The following ZP2 variants were observed in gnomAD, a reference collection of about 807,000 sequenced individuals.
ZP2 encodes the protein zona pellucida sperm-binding protein 2.
In ZP2, 51 loss-of-function variants were observed where a neutral mutation model predicts 84.0. The observed-to-expected ratio is 0.61, with a 90% CI of 0.49 to 0.77. ZP2 has a LOEUF of 0.77. Ranked by LOEUF, ZP2 falls within the 30% of genes least tolerant of loss-of-function variation. The pLI, the probability that ZP2 is intolerant of heterozygous loss-of-function variation, is 0.00. For synonymous variants in ZP2, 375 were observed against 330.9 expected (o/e 1.13, Z -1.45); for missense variants, 909 against 911.9 (o/e 1.00, Z 0.04).
At chr16:21,210,494 C>G (rs984479788) in intron 2 of ZP2, among the ~76,000 whole-genome samples, 1 of 151,914 alleles carries the variant, frequency 6.6e-6, no homozygotes, top group Admixed American at 6.6e-5. Context: ...GGAGGCAGGC[C>G]CGAAAAACTG....
intron 9 of ZP2, 187 bp downstream of exon 9, chr16:21,203,843 G>C (rs1405680536): frequency 9.3e-6 from 6 of 642,144 alleles, no homozygotes; most frequent in Non-Finnish European, 1.3e-5. Flanking sequence ...TTTTGTGTTA[G>C]AGAATGAACT....
At chr16:21,203,985 C>A (rs1305478242) in intron 9 of ZP2, 45 bp downstream of exon 9, 1 of 1,603,032 alleles carries the variant, frequency 6.2e-7, no homozygotes, top group African/African-American at 1.3e-5. Context: ...GAGTATACTT[C>A]AAGTCAGGAC....
At position 21,202,253 on chromosome 16, in the gene ZP2, C is replaced by T. The variant is rs556567352; in HGVS notation, c.1138G>A (p.Val380Ile). Residue 380 changes from valine to isoleucine, a missense_variant, in exon 11 of 19, where the codon GTC becomes ATC. Val to Ile is a conservative substitution (Grantham distance 29). Coordinates refer to ENST00000574091, the MANE Select transcript of ZP2 (RefSeq NM_001376232.1). The stretch of plus-strand genomic sequence containing the variant: ...TGTGTTTGGTAGCTGTAGACCTCGA[C>T]GTCCATAAACCCATCCTGGGTGCAC... ...ELCTQDGFMD[V>I]EVYSYQTQPA... is the part of the protein sequence containing the mutation. 5.9e-5 allele frequency: 92 copies of T among 1,552,146 alleles called. No homozygotes were observed. The highest frequency in any genetic ancestry group is 1.1e-4 in the East Asian group (5 of 44,360).
chr16:21,210,265 C>T lies in ZP2; in HGVS notation c.152-73G>A, dbSNP rs112768050. On this transcript the variant is annotated intron_variant, in intron 2 of 18. Transcript: ENST00000574091. ...AACTCCTACAAAAGTGTATAGACTC[C>T]TCTCAGATGGGAGGGATTCCAGATG... 924 of 1,190,008 alleles carry T rather than the reference C, an allele frequency of 7.8e-4. 2 individuals carry two copies. In the African/African-American group the frequency reaches 0.012, roughly 15 times the overall value. The allele number at this position is 1,190,008 out of a possible 1,614,324, so 73.7% of individuals were successfully genotyped here.
chr16:21,200,872 G>GAACTC (rs1333441852), intron 14 of ZP2, among the ~76,000 whole-genome samples: 1 of 152,154 alleles, frequency 6.6e-6, no homozygotes, highest in African/African-American at 2.4e-5. Context: ...TGGGGCTTTG[G>GAACTC]AACTCATTCC....
At chr16:21,204,582 G>A (rs1469810388) in intron 7 of ZP2, among the ~76,000 whole-genome samples, 178 bp from the exon 8 acceptor site, 3 of 152,172 alleles carry the variant, frequency 2.0e-5, no homozygotes, top group Non-Finnish European at 4.4e-5. Flanking sequence ...TTTTAACCTT[G>A]TTCTAACATC....
At chr16:21,205,703 G>A (rs2093246585) in intron 6 of ZP2, 28 bp downstream of exon 6, 1 of 1,613,756 alleles carries the variant, frequency 6.2e-7, no homozygotes, top group Non-Finnish European at 8.5e-7. Context: ...AGGTTATTAA[G>A]GTCTGATTTT....
chr16:21,211,439 C>T lies in ZP2; in HGVS notation c.63-44G>A, dbSNP rs373084783. On this transcript the variant is annotated intron_variant, in intron 1 of 18. Transcript: ENST00000574091. Reference sequence around the variant, plus strand: ...ATAGTCAAGGAAGAATGGACTTTAACAAACAAAGCTACCATACCCCCTCCC... The same window carrying T: ...ATAGTCAAGGAAGAATGGACTTTAATAAACAAAGCTACCATACCCCCTCCC... 149 of 1,614,000 alleles carry T rather than the reference C, an allele frequency of 9.2e-5. No individual in the cohort carries two copies. The African/African-American group carries it at 1.7e-3, about 18-fold the overall frequency.
At chr16:21,213,196 C>G (rs146391504), upstream of ZP2, among the ~76,000 whole-genome samples, 328 of 152,252 alleles carry the variant, frequency 2.2e-3, 1 homozygote, top group African/African-American at 7.6e-3. Flanking sequence ...AGGCGCCCAC[C>G]ACCAAGCCCA....
upstream of ZP2, among the ~76,000 whole-genome samples, chr16:21,213,094 G>T (rs936653725): frequency 1.8e-4 from 28 of 152,162 alleles, no homozygotes; most frequent in African/African-American, 6.8e-4. Context: ...GCCCAGGTGG[G>T]AGTGCAGTGG....
At position 21,207,128 on chromosome 16, in the gene ZP2, A is replaced by G. The variant is rs975724688; in HGVS notation, c.331-138T>C. Reference sequence around the variant, plus strand: ...GTGCTGGAAGGTACCTCATTCCCGTACCAGGAGACTAGCTAGCCCATTGTA... The same window carrying G: ...GTGCTGGAAGGTACCTCATTCCCGTGCCAGGAGACTAGCTAGCCCATTGTA... On this transcript the variant is annotated intron_variant, in intron 4 of 18. Coordinates refer to ENST00000574091, the MANE Select transcript of ZP2 (RefSeq NM_001376232.1). 25 of 962,946 alleles carry G rather than the reference A, an allele frequency of 2.6e-5. No homozygotes were observed. In the Admixed American group the frequency reaches 5.6e-4, roughly 21 times the overall value. The allele number at this position is 962,946 out of a possible 1,614,324, so 59.7% of individuals were successfully genotyped here.
intron 9 of ZP2, 80 bp from the exon 10 acceptor site, chr16:21,203,331 C>A: frequency 1.9e-6 from 3 of 1,577,622 alleles, no homozygotes; most frequent in Non-Finnish European, 2.6e-6. Flanking sequence ...AGCAAGTCCA[C>A]TAAATACTTG....
rs199927753 is a variant in ZP2, at chr16:21,211,318, G to T, written c.140C>A (p.Pro47His). The T allele has an allele frequency of 8.1e-6, 13 of 1,614,016 alleles. No homozygotes were observed. The highest frequency in any genetic ancestry group is 1.1e-5 in the Non-Finnish European group (13 of 1,180,002). Reference sequence around the variant, plus strand: ...CCCAAGAGACATACCTGGAAAGGCAGGATTTACCAACTGAGAAACATCTAT... The same window carrying T: ...CCCAAGAGACATACCTGGAAAGGCATGATTTACCAACTGAGAAACATCTAT... ...NSIDVSQLVN[P>H]AFPGTVTCDE... The change falls in exon 2 of 19, where the codon CCT becomes CAT. Residue 47 changes from proline to histidine, a missense_variant. Physicochemically the swap from Pro to His is moderately conservative, Grantham distance 77 (BLOSUM62 -2). Coordinates refer to ENST00000574091, the MANE Select transcript of ZP2 (RefSeq NM_001376232.1).
chr16:21,203,135 G>T lies in ZP2; in HGVS notation c.1089C>A (p.Pro363=). Reference sequence around the variant, plus strand: ...ATAAAAGGTCTTTACCTATAGAAACGGGTGACTCACAGAGACACTCAGGAT... The same window carrying T: ...ATAAAAGGTCTTTACCTATAGAAACTGGTGACTCACAGAGACACTCAGGAT... The part of the protein sequence containing the change: ...VIYPECLCES[P]VSIVTGELCT... The change falls in exon 10 of 19, where the codon CCC becomes CCA. Residue 363 remains proline (P), a synonymous_variant. Transcript: ENST00000574091. 1 of 1,613,030 alleles carries T rather than the reference G, an allele frequency of 6.2e-7. No individual in the cohort carries two copies. Among genetic ancestry groups the T allele is most frequent in the Non-Finnish European group, 8.5e-7 (1 of 1,179,502 alleles).
intron 9 of ZP2, 26 bp downstream of exon 9, chr16:21,204,004 G>A: frequency 6.2e-7 from 1 of 1,608,584 alleles, no homozygotes; most frequent in Non-Finnish European, 8.5e-7. Flanking sequence ...ACCCGGTGGA[G>A]TTCAGTGGTT....
chr16:21,204,237 C>T (rs770396746), intron 8 of ZP2, 26 bp from the exon 9 acceptor site: 1 of 1,613,964 alleles, frequency 6.2e-7, no homozygotes, highest in South Asian at 1.1e-5. Context: ...ACAGAATGCC[C>T]ATTACCAGCC....
chr16:21,205,319 G>C lies in ZP2; in HGVS notation c.693+101C>G, dbSNP rs940266584. 7 of 1,399,146 alleles carry C rather than the reference G, an allele frequency of 5.0e-6. No individual in the cohort carries two copies. In the African/African-American group the frequency reaches 7.1e-5, roughly 14 times the overall value. 86.7% of individuals were successfully genotyped at this position (1,399,146 alleles called of 1,614,324 possible). A position where few individuals can be genotyped will look rare whatever the true frequency, so the allele number is the denominator to read the frequency against. The stretch of plus-strand genomic sequence containing the variant: ...TGGCACTTAATAGGCATTAAAATGG[G>C]TTGTATTATAAATTAATGTGAAGAC... On this transcript the variant is annotated intron_variant, in intron 7 of 18. Transcript: ENST00000574091.
At chr16:21,204,801 G>C (rs1279648706) in intron 7 of ZP2, among the ~76,000 whole-genome samples, 1 of 152,130 alleles carries the variant, frequency 6.6e-6, no homozygotes, top group Admixed American at 6.6e-5. Flanking sequence ...AGTACTTTAG[G>C]AGATTAATTC....
chr16:21,208,235 C>A (rs966332524), intron 4 of ZP2, among the ~76,000 whole-genome samples: 1 of 152,172 alleles, frequency 6.6e-6, no homozygotes, highest in Non-Finnish European at 1.5e-5. Context: ...CCATGGACTG[C>A]GTTTGGCCAT....
Sources: gnomAD v4.1 joint callset for allele counts (sites outside exome capture counted in the v4.1 genomes callset) on GRCh38, gnomAD v4.1.1 for gene constraint, MANE v1.5 for transcripts, NCBI Gene and HGNC (gene_info 2026-07-23, HGNC 2026-07-21) for gene names.